Variants in SUFU observed in about 807,000 individuals in gnomAD.
The protein encoded by SUFU is SUFU negative regulator of hedgehog signaling, also known as suppressor of fused homolog.
A neutral mutation model predicts 58.9 loss-of-function variants in SUFU; 7 were observed. That is an observed-to-expected ratio of 0.12 (90% CI 0.07 to 0.22). The LOEUF (loss-of-function observed/expected upper bound fraction) is 0.22. SUFU is among the 10% of genes least tolerant of loss of function. The pLI is 1.00. For missense variants in SUFU, 451 were observed against 641.3 expected, an observed-to-expected ratio of 0.70 and a Z score of 3.20; for synonymous variants, 232 against 254.8, an observed-to-expected ratio of 0.91 and a Z score of 0.85.
chr10:102,592,257 G>A (rs1282958797), intron 3 of SUFU, among the ~76,000 whole-genome samples: 1 of 152,134 alleles, frequency 6.6e-6, no homozygotes, highest in East Asian at 1.9e-4. Flanking sequence ...ATCCAGTCAT[G>A]GCTCCTGCCT....
At chr10:102,523,517 G>C (rs1564664076) in intron 2 of SUFU, among the ~76,000 whole-genome samples, 1 of 152,146 alleles carries the variant, frequency 6.6e-6, no homozygotes, top group Non-Finnish European at 1.5e-5. Context: ...ACTCTTCAAG[G>C]CTTCTGACAA....
At position 102,570,136 on chromosome 10, in the gene SUFU, G is replaced by A. The variant is rs182525082; in HGVS notation, c.454+20030G>A. 7.9e-5 allele frequency among the ~76,000 whole-genome samples: 12 copies of A among 152,254 alleles called. 1 individual carries two copies. Among genetic ancestry groups the A allele is most frequent in the African/African-American group, 2.4e-4 (10 of 41,542 alleles). On this transcript the variant is annotated intron_variant, in intron 3 of 11. Transcript: ENST00000369902. ...CACCATCCCTGAAGTTTTCCTAGTC[G>A]TCTGGGCAGTTGCTGGCCCAGGCGC...
At chr10:102,574,619 A>G (rs552455447) in intron 3 of SUFU, among the ~76,000 whole-genome samples, 6 of 152,242 alleles carry the variant, frequency 3.9e-5, no homozygotes, top group Non-Finnish European at 8.8e-5. Context: ...TCTCTAAAAC[A>G]GTAATAAAAT....
intron 8 of SUFU, among the ~76,000 whole-genome samples, chr10:102,607,730 A>G (rs1260965264): frequency 1.1e-4 from 17 of 152,140 alleles, no homozygotes; most frequent in Admixed American, 1.0e-3. Flanking sequence ...CCTGGCCAAC[A>G]TGGTGAAACC....
chr10:102,520,135 A>G lies in SUFU; in HGVS notation c.317+10832A>G, dbSNP rs919792465. Among the ~76,000 whole-genome samples, 3 of 149,786 alleles carry G rather than the reference A, an allele frequency of 2.0e-5. No individual in the cohort carries two copies. The South Asian group carries it at 6.3e-4, about 32-fold the overall frequency. On this transcript the variant is annotated intron_variant, in intron 2 of 11. Coordinates refer to ENST00000369902, the MANE Select transcript of SUFU (RefSeq NM_016169.4). ...TATTTGTTATCATTGGGGAACCAAT[A>G]TTGATACTTATTACTACCTTAAGTC...
intron 3 of SUFU, among the ~76,000 whole-genome samples, chr10:102,561,964 T>G (rs10883738): frequency 6.6e-6 from 1 of 151,876 alleles, no homozygotes; most frequent in Non-Finnish European, 1.5e-5. Flanking sequence ...CCACTGCGCC[T>G]GGCTAGCAAA....
rs2063723767 is a variant in SUFU, at chr10:102,619,709, C to T, written c.1296+2281C>T. Among the ~76,000 whole-genome samples, 1 of 152,196 alleles carries T rather than the reference C, an allele frequency of 6.6e-6. No homozygotes were observed. The highest frequency in any genetic ancestry group is 1.5e-5 in the Non-Finnish European group (1 of 68,018). On this transcript the variant is annotated intron_variant, in intron 10 of 11. Coordinates refer to ENST00000369902, the MANE Select transcript of SUFU (RefSeq NM_016169.4). This position sits in a 1 kb window ranked among gnomAD's most constrained non-coding sequence, Gnocchi z 4.2. ...CCTGCCAGGCAGTCAGCACTTTCTC[C>T]CTCTGACTGCCAGCCAGCCGCCCCT...
rs886046653 is a variant in SUFU, at chr10:102,504,050, C to A, written c.-103C>A. On this transcript the variant is annotated 5_prime_UTR_variant, in exon 1 of 12. Transcript: ENST00000369902. ...AGCTAGACCTCGCTGCAGCCCCCAT[C>A]GCCTCGGGGAGTCTCACCCACCGAG... 7.1e-7 allele frequency: 1 copy of A among 1,415,814 alleles called. No individual in the cohort carries two copies. The highest frequency in any genetic ancestry group is 9.3e-7 in the Non-Finnish European group (1 of 1,077,162). The allele number at this position is 1,415,814 out of a possible 1,614,324, so 87.7% of individuals were successfully genotyped here.
rs1421650180 is a variant in SUFU, at chr10:102,628,504, G to A, written c.1365+1261G>A. On this transcript the variant is annotated intron_variant, in intron 11 of 11. Coordinates refer to ENST00000369902, the MANE Select transcript of SUFU (RefSeq NM_016169.4). This position sits in a 1 kb window ranked among gnomAD's most constrained non-coding sequence, Gnocchi z 4.5. ...AGACCAGAGCCAGCTGCCCAGAAGC[G>A]CTTCCGGAGAGGCCTTGTCGCACTG... Among the ~76,000 whole-genome samples the A allele has an allele frequency of 2.0e-5, 3 of 152,194 alleles. No individual in the cohort carries two copies. The highest frequency in any genetic ancestry group is 7.2e-5 in the African/African-American group (3 of 41,438).
intron 3 of SUFU, among the ~76,000 whole-genome samples, chr10:102,571,987 G>A (rs2063166547): frequency 6.6e-6 from 1 of 152,160 alleles, no homozygotes; most frequent in Non-Finnish European, 1.5e-5. Flanking sequence ...AGCAGCAATG[G>A]AGGAAGAGTC....
At position 102,619,420 on chromosome 10, in the gene SUFU, C is replaced by T; in HGVS notation, c.1296+1992C>T. ...GGGCGCGGTGGGAACGAGCTGCTGG[C>T]CTCGGCATGTTTCAATAAAGTTGCT... On this transcript the variant is annotated intron_variant, in intron 10 of 11. Coordinates refer to ENST00000369902, the MANE Select transcript of SUFU (RefSeq NM_016169.4). This position sits in a 1 kb window ranked among gnomAD's most constrained non-coding sequence, Gnocchi z 4.2. 1 of 1,346,382 alleles carries T rather than the reference C, an allele frequency of 7.4e-7. No homozygotes were observed. Among genetic ancestry groups the T allele is most frequent in the Non-Finnish European group, 9.6e-7 (1 of 1,044,494 alleles). The allele number at this position is 1,346,382 out of a possible 1,614,324, so 83.4% of individuals were successfully genotyped here.
chr10:102,574,614 A>G (rs1394279214), intron 3 of SUFU, among the ~76,000 whole-genome samples: 1 of 152,226 alleles, frequency 6.6e-6, no homozygotes, highest in African/African-American at 2.4e-5. Flanking sequence ...CCTTGTCTCT[A>G]AAACAGTAAT....
chr10:102,573,224 G>A (rs530113332), intron 3 of SUFU: 271 of 717,618 alleles, frequency 3.8e-4, no homozygotes, highest in Non-Finnish European at 5.2e-4. Flanking sequence ...TTTCGGCACC[G>A]TCTTGTGAAA....
chr10:102,545,293 ATTTTTT>A (rs1162195255), intron 2 of SUFU, among the ~76,000 whole-genome samples: 1 of 106,298 alleles, frequency 9.4e-6, no homozygotes, highest in African/African-American at 3.6e-5. Context: ...TAATTTTTGT[ATTTTTT>A]TTTTTTTTTT....
chr10:102,579,332 G>T (rs59411767), intron 3 of SUFU, among the ~76,000 whole-genome samples: 6,804 of 152,226 alleles, frequency 0.045, 499 homozygotes, highest in African/African-American at 0.16. Context: ...TAGCGAAACT[G>T]CATCAGTCCA....
chr10:102,594,207 A>G (rs1456386335), intron 6 of SUFU, 142 bp downstream of exon 6: 2 of 831,026 alleles, frequency 2.4e-6, no homozygotes, highest in African/African-American at 3.3e-5. Context: ...TTGTCCCCTG[A>G]ATTCTGCAGA....
intron 8 of SUFU, among the ~76,000 whole-genome samples, chr10:102,601,052 T>G (rs2063511037): frequency 6.6e-6 from 1 of 152,206 alleles, no homozygotes; most frequent in Non-Finnish European, 1.5e-5. Flanking sequence ...GCTTTGGGCC[T>G]CCTTGGCACT....
chr10:102,608,301 A>G (rs752175362), intron 8 of SUFU, among the ~76,000 whole-genome samples: 2 of 152,214 alleles, frequency 1.3e-5, no homozygotes, highest in Non-Finnish European at 2.9e-5. Context: ...GGAGGGGAGC[A>G]TGGGAAAACA....
intron 8 of SUFU, among the ~76,000 whole-genome samples, chr10:102,605,983 T>C (rs1424022066): frequency 5.3e-5 from 8 of 152,174 alleles, no homozygotes; most frequent in Admixed American, 3.3e-4. Context: ...ATGGTTCAGC[T>C]CCTCTCCTTT....
Sources: allele counts gnomAD v4.1 joint callset (sites outside exome capture counted in the v4.1 genomes callset), GRCh38; gene constraint gnomAD v4.1.1; non-coding constraint Gnocchi (gnomAD v3.1); transcripts MANE v1.5; gene names NCBI Gene and HGNC (gene_info 2026-07-23, HGNC 2026-07-21).